Variants in ERCC5 observed in about 807,000 individuals in gnomAD.
ERCC5 encodes ERCC excision repair 5, endonuclease, also known as DNA excision repair protein ERCC-5.
A neutral mutation model predicts 105.6 loss-of-function variants in ERCC5; 68 were observed. That is an observed-to-expected ratio of 0.64 (90% CI 0.53 to 0.79). The LOEUF (loss-of-function observed/expected upper bound fraction) is 0.79, where lower values mean the gene tolerates loss of function less well. Ranked by LOEUF, ERCC5 falls within the 30% of genes least tolerant of loss-of-function variation. The pLI is 0.00. For synonymous variants in ERCC5, 546 were observed against 526.2 expected, an observed-to-expected ratio of 1.04 and a Z score of -0.51; for missense variants, 1,373 against 1,426.7, an observed-to-expected ratio of 0.96 and a Z score of 0.61.
chr13:102,866,122 C>A lies in ERCC5; in HGVS notation c.2200-140C>A, dbSNP rs528068562. On this transcript the variant is annotated intron_variant, in intron 9 of 14. Coordinates refer to ENST00000652225, the MANE Select transcript of ERCC5 (RefSeq NM_000123.4). ...TGAATCTCTAAAGATATTACAGAGT[C>A]TTGGTTAGACATCCAGTGGAGTACT... The A allele has an allele frequency of 4.1e-6, 6 of 1,466,804 alleles. No individual in the cohort carries two copies. The African/African-American group carries it at 4.2e-5, about 10-fold the overall frequency. 90.9% of individuals were successfully genotyped at this position (1,466,804 alleles called of 1,614,324 possible). A position where few individuals can be genotyped will look rare whatever the true frequency, so the allele number is the denominator to read the frequency against.
chr13:102,861,771 T>G, intron 7 of ERCC5, 57 bp downstream of exon 7: 2 of 1,595,028 alleles, frequency 1.3e-6, no homozygotes, highest in Non-Finnish European at 1.7e-6. Flanking sequence ...ATATCATGAC[T>G]CTGAATTCTA....
chr13:102,864,126 C>CACACACACA (rs1555326404), intron 8 of ERCC5, among the ~76,000 whole-genome samples: 3 of 140,976 alleles, frequency 2.1e-5, no homozygotes, highest in South Asian at 4.8e-4. Context: ...AGAGAATCAA[C>CACACACACA]CACACACACA....
chr13:102,859,353 C>T lies in ERCC5; in HGVS notation c.672+935C>T, dbSNP rs530636217. On this transcript the variant is annotated intron_variant, in intron 6 of 14. Coordinates refer to ENST00000652225, the MANE Select transcript of ERCC5 (RefSeq NM_000123.4). The stretch of plus-strand genomic sequence containing the variant: ...GAAAAAGGAAGGGTAAATTTCTTTT[C>T]TCATCACTCCCTGTTTTTTCCACAA... Among the ~76,000 whole-genome samples the T allele has an allele frequency of 3.3e-5, 5 of 152,318 alleles. No individual in the cohort carries two copies. The South Asian group carries it at 1.0e-3, about 32-fold the overall frequency.
Position 102,875,595 on chromosome 13 carries a change from G to T in ERCC5, c.3253G>T (p.Gly1085Cys), listed in dbSNP as rs760907430. The change falls in exon 15 of 15, where the codon GGT (glycine) becomes TGT (cysteine). Residue 1085 changes from glycine (G) to cysteine (C), a missense_variant. By Grantham distance (159) the Gly-to-Cys change is radical. Coordinates refer to ENST00000652225, the MANE Select transcript of ERCC5 (RefSeq NM_000123.4). ...LSDSKGKNTC[G>C]GFLGETCLSE... ...AGATTCTAAAGGAAAGAATACATGC[G>T]GTGGATTTTTGGGGGAGACCTGCCT... 6.2e-7 allele frequency: 1 copy of T among 1,613,560 alleles called. No individual in the cohort carries two copies. Among genetic ancestry groups the T allele is most frequent in the Admixed American group, 1.7e-5 (1 of 59,932 alleles).
chr13:102,853,682 T>G lies in ERCC5; in HGVS notation c.265-75T>G, dbSNP rs1882286302. ...GAAAACTCAGACAAACCAAATTCTC[T>G]GGAAAATAAATCACAGCAATGTTTC... On this transcript the variant is annotated intron_variant, in intron 2 of 14. Transcript: ENST00000652225. The G allele has an allele frequency of 4.7e-6, 7 of 1,477,156 alleles. No homozygotes were observed. In the South Asian group the frequency reaches 7.3e-5, roughly 15 times the overall value. 91.5% of individuals were successfully genotyped at this position (1,477,156 alleles called of 1,614,324 possible).
chr13:102,854,847 G>T (rs920653420), intron 4 of ERCC5, among the ~76,000 whole-genome samples: 5 of 152,104 alleles, frequency 3.3e-5, no homozygotes, highest in African/African-American at 1.2e-4. Flanking sequence ...GCATCTCTCT[G>T]GCGCTTTCTG....
At chr13:102,848,393 T>C (rs539695500) in intron 1 of ERCC5, among the ~76,000 whole-genome samples, 5 of 152,358 alleles carry the variant, frequency 3.3e-5, no homozygotes, top group African/African-American at 1.2e-4. Flanking sequence ...TTAAACCATC[T>C]ATATAGCTTA....
rs754584749 is a variant in ERCC5, at chr13:102,858,263, T to TGA, written c.529-12_529-11insGA. ...ATGTAAATTTCATGGTGCTGTGATTTTATCTTTACAGGAAGAGTTCTTTCA... is the reference window on the plus strand; with the variant it reads ...ATGTAAATTTCATGGTGCTGTGATTTGATATCTTTACAGGAAGAGTTCTTTCA... On this transcript the variant is annotated splice_polypyrimidine_tract_variant and intron_variant, in intron 5 of 14. Transcript: ENST00000652225. 2.5e-6 allele frequency: 4 copies of TGA among 1,614,022 alleles called. No individual in the cohort carries two copies. Among genetic ancestry groups the TGA allele is most frequent in the Non-Finnish European group, 3.4e-6 (4 of 1,180,004 alleles).
At position 102,872,385 on chromosome 13, in the gene ERCC5, G is replaced by T; in HGVS notation, c.2866G>T (p.Asp956Tyr). The T allele has an allele frequency of 6.2e-7, 1 of 1,614,136 alleles. No individual in the cohort carries two copies. The highest frequency in any genetic ancestry group is 1.1e-5 in the South Asian group (1 of 91,076). The part of the protein sequence containing the change: ...GSFLWGKPDL[D>Y]KIREFCQRYF... ...CTTTCTGTGGGGGAAACCTGATCTC[G>T]ACAAAATTAGAGAATATCCTTTGCT... The change falls in exon 13 of 15, where the codon GAC (aspartate) becomes TAC (tyrosine). Residue 956 changes from aspartate (D) to tyrosine (Y), a missense_variant. Asp to Tyr is a radical substitution (Grantham distance 160). Coordinates refer to ENST00000652225, the MANE Select transcript of ERCC5 (RefSeq NM_000123.4).
At position 102,875,417 on chromosome 13, in the gene ERCC5, A is replaced by G; in HGVS notation, c.3075A>G (p.Lys1025=). 1.2e-6 allele frequency: 2 copies of G among 1,614,238 alleles called. No homozygotes were observed. Among genetic ancestry groups the G allele is most frequent in the Middle Eastern group, 3.3e-4 (2 of 6,062 alleles). Residue 1025 remains lysine, a synonymous_variant, in exon 15 of 15, where the codon AAA becomes AAG. Coordinates refer to ENST00000652225, the MANE Select transcript of ERCC5 (RefSeq NM_000123.4). ...GAGCTGTGACATGTATGCTAAGGAA[A>G]GAGAAAGAAGCAGCAGCCAGCGAAA... ...LNRAVTCMLR[K]EKEAAASEIE...
Position 102,875,785 on chromosome 13 carries a change from C to G in ERCC5, c.3443C>G (p.Ser1148Cys), listed in dbSNP as rs138123260. ...AATGGAGGTGCGACCACCAGCAGCT[C>G]TAGTGATAGTGATGACGATGGAGGG... ...VKNGGATTSS[S>C]SDSDDDGGKE... Residue 1148 changes from serine (S) to cysteine (C), a missense_variant, in exon 15 of 15, where the codon TCT (serine) becomes TGT (cysteine). Around this residue, in one of 3 missense-constraint regions of ERCC5, gnomAD observed 367 missense variants for 350.2 expected, o/e 1.05. Transcript: ENST00000652225. The G allele has an allele frequency of 9.3e-6, 15 of 1,613,954 alleles. No homozygotes were observed. Among genetic ancestry groups the G allele is most frequent in the East Asian group, 2.2e-5 (1 of 44,888 alleles).
chr13:102,873,473 G>GA, intron 14 of ERCC5, 130 bp downstream of exon 14: 1 of 1,023,844 alleles, frequency 9.8e-7, no homozygotes, highest in Non-Finnish European at 1.5e-6. Flanking sequence ...ATTTAGATGA[G>GA]AGAATAGAAG....
At chr13:102,859,076 A>T in intron 6 of ERCC5, 1 of 355,008 alleles carries the variant, frequency 2.8e-6, no homozygotes, top group South Asian at 2.1e-5. Flanking sequence ...GTGCTAGCAA[A>T]TGTGTCTCCT....
In ERCC5 at chr13:102,846,228, A is replaced by G. The variant is rs1595372986; in HGVS notation, c.-39A>G. On this transcript the variant is annotated 5_prime_UTR_variant, in exon 1 of 15. Transcript: ENST00000652225. The stretch of plus-strand genomic sequence containing the variant: ...CAGTCCGTCGTAGAAGAATTAGAGT[A>G]GAAGTTGTCGGGGTCCGCTCTTAGG... 19 of 1,556,450 alleles carry G rather than the reference A, an allele frequency of 1.2e-5. No homozygotes were observed. In the East Asian group the frequency reaches 4.3e-4, roughly 35 times the overall value.
At chr13:102,873,769 T>G (rs987642808) in intron 14 of ERCC5, among the ~76,000 whole-genome samples, 1 of 152,216 alleles carries the variant, frequency 6.6e-6, no homozygotes, top group Admixed American at 6.5e-5. Flanking sequence ...GTCATTATTG[T>G]GTATCAGTAG....
At chr13:102,863,999 A>T (rs553910248) in intron 8 of ERCC5, among the ~76,000 whole-genome samples, 31 of 152,146 alleles carry the variant, frequency 2.0e-4, no homozygotes, top group Non-Finnish European at 3.4e-4. Context: ...ATGTGTTCAT[A>T]TATATGTTAT....
chr13:102,847,087 A>C (rs1191930863), intron 1 of ERCC5, among the ~76,000 whole-genome samples: 2 of 152,180 alleles, frequency 1.3e-5, no homozygotes, highest in Non-Finnish European at 2.9e-5. Flanking sequence ...TTCGACGATT[A>C]GTTTTGCTTG....
At chr13:102,866,019 A>C in intron 9 of ERCC5, 108 bp downstream of exon 9, 1 of 1,597,550 alleles carries the variant, frequency 6.3e-7, no homozygotes, top group Non-Finnish European at 8.5e-7. Flanking sequence ...TTTGCAGTAC[A>C]TCTTGTGGTT....
chr13:102,858,266 T>G lies in ERCC5; in HGVS notation c.529-9T>G, dbSNP rs909942762. On this transcript the variant is annotated splice_polypyrimidine_tract_variant and intron_variant, in intron 5 of 14. Coordinates refer to ENST00000652225, the MANE Select transcript of ERCC5 (RefSeq NM_000123.4). ...TAAATTTCATGGTGCTGTGATTTTA[T>G]CTTTACAGGAAGAGTTCTTTCATAA... The G allele has an allele frequency of 6.2e-7, 1 of 1,614,046 alleles. No homozygotes were observed. The highest frequency in any genetic ancestry group is 1.3e-5 in the African/African-American group (1 of 74,952).
Sources: gnomAD v4.1 joint callset for allele counts (sites outside exome capture counted in the v4.1 genomes callset) on GRCh38, gnomAD v4.1.1 for gene constraint, gnomAD v4.1.1 regional missense constraint, MANE v1.5 for transcripts, NCBI Gene and HGNC (gene_info 2026-07-23, HGNC 2026-07-21) for gene names.